LAMA2: variants seen among roughly 807,000 people sequenced by gnomAD.
The protein encoded by LAMA2 is laminin subunit alpha 2.
LAMA2 carries 269 observed loss-of-function variants against 364.8 expected under a neutral mutation model. The observed-to-expected ratio is 0.74, with a 90% confidence interval of 0.67 to 0.82. The LOEUF is 0.82. Among genes scored for constraint, LAMA2 ranks in the 40% least tolerant of loss-of-function variants. The probability of loss-of-function intolerance (pLI) is 0.00; values close to 1 mark genes in which losing one functional copy is unlikely to be tolerated. For missense variants in LAMA2, 3,807 were observed against 3,873.2 expected (o/e 0.98, Z 0.45); for synonymous variants, 1,379 against 1,370.6 (o/e 1.01, Z -0.14).
chr6:129,094,608 C>T (rs1775060291), intron 3 of LAMA2, among the ~76,000 whole-genome samples: 1 of 152,106 alleles, frequency 6.6e-6, no homozygotes, highest in Admixed American at 6.6e-5. Flanking sequence ...TATCCATAAC[C>T]TTAGTGTAGT....
chr6:129,401,306 A>G lies in LAMA2; in HGVS notation c.5528A>G (p.Asn1843Ser), dbSNP rs1779957795. Residue 1843 changes from asparagine (N) to serine (S), a missense_variant, in exon 38 of 65, where the codon AAC becomes AGC. By Grantham distance (46) the Asn-to-Ser change is conservative. Transcript: ENST00000421865. The stretch of plus-strand genomic sequence containing the variant: ...GGCAATGACATACTCGATGAAGCCA[A>G]CCGTCTTGCAGATGAAATCAACTCC... Reference protein sequence around the residue: ...KEGNDILDEANRLADEINSII... With the variant: ...KEGNDILDEASRLADEINSII... 3 of 1,611,790 alleles carry G rather than the reference A, an allele frequency of 1.9e-6. No individual in the cohort carries two copies. Among genetic ancestry groups the G allele is most frequent in the Non-Finnish European group, 1.7e-6 (2 of 1,177,882 alleles).
intron 17 of LAMA2, among the ~76,000 whole-genome samples, chr6:129,274,531 A>T (rs1788168952): frequency 6.6e-6 from 1 of 152,006 alleles, no homozygotes; most frequent in Non-Finnish European, 1.5e-5. Flanking sequence ...AATCTTATAG[A>T]TCACAAGCAT....
chr6:129,285,361 C>T (rs9321158), intron 18 of LAMA2, among the ~76,000 whole-genome samples: 151,560 of 152,234 alleles, frequency 1, 75,450 homozygotes, highest in Middle Eastern at 1. Flanking sequence ...TTTCCTTACA[C>T]GTCCTGCAAG....
At chr6:128,928,997 A>C in intron 1 of LAMA2, 2 of 1,267,442 alleles carry the variant, frequency 1.6e-6, no homozygotes, top group Non-Finnish European at 2.3e-6. Flanking sequence ...AAGGAGCAGA[A>C]GGAGTTAGAT....
intron 60 of LAMA2, among the ~76,000 whole-genome samples, chr6:129,504,601 T>C (rs915650247): frequency 2.6e-5 from 4 of 152,194 alleles, no homozygotes; most frequent in African/African-American, 4.8e-5. Flanking sequence ...CCTTATTTCA[T>C]TCTGTCTCAG....
intron 1 of LAMA2, among the ~76,000 whole-genome samples, chr6:128,995,229 C>T (rs1783852922): frequency 6.6e-6 from 1 of 152,104 alleles, no homozygotes; most frequent in Non-Finnish European, 1.5e-5. Flanking sequence ...TCAGGGAGTA[C>T]ATGTGCAGGT....
chr6:129,384,895 C>T (rs112326055), intron 35 of LAMA2, among the ~76,000 whole-genome samples: 1,720 of 151,670 alleles, frequency 0.011, 29 homozygotes, highest in African/African-American at 0.04. Flanking sequence ...ATAAGAACAC[C>T]ACTCACTTTT....
intron 34 of LAMA2, among the ~76,000 whole-genome samples, chr6:129,373,774 T>C (rs552608586): frequency 5.3e-5 from 8 of 152,312 alleles, no homozygotes; most frequent in African/African-American, 1.7e-4. Context: ...TAGAATGGAA[T>C]TATGAGTTTT....
intron 28 of LAMA2, 66 bp from the exon 29 acceptor site, chr6:129,328,212 G>T: frequency 3.6e-6 from 5 of 1,382,336 alleles, no homozygotes; most frequent in Non-Finnish European, 5.1e-6. Flanking sequence ...AGCCACTGAA[G>T]AGCTCAAGCG....
intron 10 of LAMA2, 103 bp from the exon 11 acceptor site, chr6:129,190,102 G>C (rs1356514544): frequency 1.7e-6 from 2 of 1,157,504 alleles, no homozygotes; most frequent in Non-Finnish European, 2.6e-6. Context: ...AGTTGAGAGG[G>C]TAAAATGAAG....
At chr6:129,146,299 T>C (rs187007853) in intron 5 of LAMA2, among the ~76,000 whole-genome samples, 5 of 152,070 alleles carry the variant, frequency 3.3e-5, no homozygotes, top group Non-Finnish European at 7.4e-5. Flanking sequence ...TAGTCTAGCC[T>C]CCATAATTAT....
At chr6:128,930,947 C>T (rs1055299585) in intron 1 of LAMA2, among the ~76,000 whole-genome samples, 2 of 152,170 alleles carry the variant, frequency 1.3e-5, no homozygotes, top group African/African-American at 4.8e-5. Flanking sequence ...TTCTAAGATG[C>T]TCTCTGCTAG....
At chr6:129,066,044 T>TTTTTTTTG (rs1789291565) in intron 3 of LAMA2, among the ~76,000 whole-genome samples, 13 of 20,784 alleles carry the variant, frequency 6.3e-4, no homozygotes, top group African/African-American at 1.2e-3. Context: ...TCAGGTTTTT[T>TTTTTTTTG]TTTTTTTTTT....
At chr6:129,049,255 C>T (rs1051344559) in intron 1 of LAMA2, among the ~76,000 whole-genome samples, 1 of 152,196 alleles carries the variant, frequency 6.6e-6, no homozygotes, top group African/African-American at 2.4e-5. Context: ...CCTCTGAGAT[C>T]GTATCTATGA....
At chr6:129,511,686 C>T (rs529613424) in intron 62 of LAMA2, among the ~76,000 whole-genome samples, 7 of 151,922 alleles carry the variant, frequency 4.6e-5, no homozygotes, top group Admixed American at 4.6e-4. Context: ...TCACTTTGTT[C>T]CTAAGTGATG....
chr6:129,205,171 C>T (rs929269471), intron 12 of LAMA2, among the ~76,000 whole-genome samples: 2 of 151,904 alleles, frequency 1.3e-5, no homozygotes, highest in African/African-American at 2.4e-5. Context: ...AGATGGATCA[C>T]GACGTCAGGA....
At chr6:129,134,744 CCTT>C (rs1777683665) in intron 4 of LAMA2, among the ~76,000 whole-genome samples, 1 of 152,160 alleles carries the variant, frequency 6.6e-6, no homozygotes, top group Admixed American at 6.5e-5. Context: ...TCAGACACCT[CCTT>C]CTGTGCAGCC....
chr6:128,986,439 T>C (rs1783243422), intron 1 of LAMA2, among the ~76,000 whole-genome samples: 1 of 152,176 alleles, frequency 6.6e-6, no homozygotes, highest in Non-Finnish European at 1.5e-5. Flanking sequence ...GAAATATATA[T>C]TTCAAATAGA....
chr6:129,457,069 A>C (rs532227517), intron 48 of LAMA2, among the ~76,000 whole-genome samples: 1 of 152,256 alleles, frequency 6.6e-6, no homozygotes, highest in East Asian at 1.9e-4. Flanking sequence ...AAATGGAATT[A>C]GGTGTTGGGA....
Sources: gnomAD v4.1 joint callset for allele counts (sites outside exome capture counted in the v4.1 genomes callset) on GRCh38, gnomAD v4.1.1 for gene constraint, MANE v1.5 for transcripts, NCBI Gene and HGNC (gene_info 2026-07-23, HGNC 2026-07-21) for gene names.